The following CELSR1 variants were observed in gnomAD, a reference collection of about 807,000 sequenced individuals.
The protein encoded by CELSR1 is cadherin EGF LAG seven-pass G-type receptor 1, also known as adhesion G protein-coupled receptor C1.
Under a neutral mutation model 249.1 loss-of-function variants are expected in CELSR1, and 110 were observed. That is an observed-to-expected ratio of 0.44 (90% CI 0.38 to 0.52). CELSR1 has a LOEUF of 0.52. Ranked by LOEUF, CELSR1 falls within the 20% of genes least tolerant of loss-of-function variation. The probability of loss-of-function intolerance (pLI) is 0.00; values close to 1 mark genes in which losing one functional copy is unlikely to be tolerated. For synonymous variants in CELSR1, 2,113 were observed against 1,900.0 expected (o/e 1.11, Z -2.92); for missense variants, 4,109 against 4,296.4 (o/e 0.96, Z 1.22).
rs60277006 is a variant in CELSR1 at position 46,468,198 on chromosome 22, C to T, written c.3545-3853G>A. ...GTCAGGAGTTCAAGACCAGCCTGGG[C>T]GACCTGGTGAAACCATGTCTCTACT... On this transcript the variant is annotated intron_variant, in intron 1 of 34. Coordinates refer to ENST00000674500, the MANE Select transcript of CELSR1 (RefSeq NM_001378328.1). This position sits in a 1 kb window ranked among gnomAD's most constrained non-coding sequence, Gnocchi z 4.5. 0.14 allele frequency among the ~76,000 whole-genome samples: 21,844 copies of T among 151,804 alleles called. 1,659 individuals carry two copies. Among genetic ancestry groups the T allele is most frequent in the East Asian group, 0.23 (1,164 of 5,132 alleles).
rs575669820 is a variant in CELSR1 at position 46,524,323 on chromosome 22, G to A, written c.3544+9304C>T. Among the ~76,000 whole-genome samples the A allele has an allele frequency of 6.6e-5, 10 of 152,336 alleles. No homozygotes were observed. In the South Asian group the frequency reaches 1.0e-3, roughly 16 times the overall value. On this transcript the variant is annotated intron_variant, in intron 1 of 34. Transcript: ENST00000674500. Reference sequence around the variant, plus strand: ...TCTCAATCACCCCTGCTCTGGGCCAGCCTCCTTGCTACATGATTCCCCTCT... The same window carrying A: ...TCTCAATCACCCCTGCTCTGGGCCAACCTCCTTGCTACATGATTCCCCTCT...
At position 46,411,579 on chromosome 22, in the gene CELSR1, G is replaced by A. The variant is rs777766272; in HGVS notation, c.4769+23C>T. 1.2e-5 allele frequency: 19 copies of A among 1,613,414 alleles called. No individual in the cohort carries two copies. The highest frequency in any genetic ancestry group is 5.0e-5 in the Admixed American group (3 of 59,980). On this transcript the variant is annotated intron_variant, in intron 6 of 34. Transcript: ENST00000674500. The surrounding 1 kb of genome is among the most constrained non-coding windows in gnomAD (Gnocchi z 4.2). ...ATGTTTGGGGGTACGGACCCCCAGG[G>A]CCTCCCCTCCTGGGATGCTCACTTC...
intron 1 of CELSR1, among the ~76,000 whole-genome samples, chr22:46,489,636 T>C (rs919655911): frequency 2.0e-5 from 3 of 152,010 alleles, no homozygotes; most frequent in Non-Finnish European, 1.5e-5. Flanking sequence ...TCTTTGGCCG[T>C]GCACGGTGGC....
At chr22:46,532,974 C>T (rs955014932) in intron 1 of CELSR1, among the ~76,000 whole-genome samples, 16 of 152,208 alleles carry the variant, frequency 1.1e-4, no homozygotes, top group Non-Finnish European at 1.8e-4. Context: ...GGCTCCACCA[C>T]TAACTGGGCA....
chr22:46,505,495 C>T (rs1345774743), intron 1 of CELSR1, among the ~76,000 whole-genome samples: 3 of 151,892 alleles, frequency 2.0e-5, no homozygotes, highest in East Asian at 3.9e-4. Context: ...TGAGTATGCA[C>T]CTGTAGTCCC....
At chr22:46,450,988 C>T (rs1284917573) in intron 2 of CELSR1, among the ~76,000 whole-genome samples, 1 of 152,184 alleles carries the variant, frequency 6.6e-6, no homozygotes, top group African/African-American at 2.4e-5. Flanking sequence ...CCCTGTTCCT[C>T]CTGTTCCTCA....
chr22:46,455,681 C>T lies in CELSR1; in HGVS notation c.4183+8026G>A, dbSNP rs982598125. Among the ~76,000 whole-genome samples, 41 of 152,280 alleles carry T rather than the reference C, an allele frequency of 2.7e-4. No homozygotes were observed. The South Asian group carries it at 4.6e-3, about 17-fold the overall frequency. The stretch of plus-strand genomic sequence containing the variant: ...GCAGCCCCAGGAAGCTCACGGAAGC[C>T]GGAGGAGGACTGCAGGGTGTGAGGA... On this transcript the variant is annotated intron_variant, in intron 2 of 34. Coordinates refer to ENST00000674500, the MANE Select transcript of CELSR1 (RefSeq NM_001378328.1).
Position 46,410,850 on chromosome 22 carries a change from G to A in CELSR1, c.4770-289C>T, listed in dbSNP as rs761186339. On this transcript the variant is annotated intron_variant, in intron 6 of 34. Coordinates refer to ENST00000674500, the MANE Select transcript of CELSR1 (RefSeq NM_001378328.1). This position sits in a 1 kb window ranked among gnomAD's most constrained non-coding sequence, Gnocchi z 6.8. ...GTCCACACCGAGACAGGATGTGAGC[G>A]CAGGGAGCACAGGTCAAGGCCAGCA... 2.6e-5 allele frequency among the ~76,000 whole-genome samples: 4 copies of A among 151,964 alleles called. No homozygotes were observed. Among genetic ancestry groups the A allele is most frequent in the East Asian group, 1.9e-4 (1 of 5,158 alleles).
At chr22:46,463,464 G>A (rs1041752845) in intron 2 of CELSR1, among the ~76,000 whole-genome samples, 1 of 151,216 alleles carries the variant, frequency 6.6e-6, no homozygotes, top group East Asian at 1.9e-4. Context: ...TGTAGTGAGC[G>A]AAGATTACGC....
chr22:46,524,541 C>CGTGTGTGT lies in CELSR1; in HGVS notation c.3544+9078_3544+9085dup, dbSNP rs71192413. Among the ~76,000 whole-genome samples the CGTGTGTGT allele has an allele frequency of 4.2e-4, 33 of 77,876 alleles. 1 individual carries two copies. Among genetic ancestry groups the CGTGTGTGT allele is most frequent in the African/African-American group, 2.0e-3 (32 of 16,228 alleles). The allele number at this position is 77,876 out of a possible 152,430, so 51.1% of individuals were successfully genotyped here. On this transcript the variant is annotated intron_variant, in intron 1 of 34. Transcript: ENST00000674500. ...AAACGGCCCCCACCCCCGTTGTGTG[C>CGTGTGTGT]GTGTGTGTGTGTGTGTGTGTGTGTG...
At chr22:46,414,117 C>T (rs894961506) in intron 5 of CELSR1, among the ~76,000 whole-genome samples, 1 of 152,166 alleles carries the variant, frequency 6.6e-6, no homozygotes, top group African/African-American at 2.4e-5. Flanking sequence ...GCTTGTTTTT[C>T]GAGTGGCACT....
chr22:46,509,976 T>C (rs975840816), intron 1 of CELSR1, among the ~76,000 whole-genome samples: 1 of 152,180 alleles, frequency 6.6e-6, no homozygotes, highest in Non-Finnish European at 1.5e-5. Context: ...GGGGACTTCA[T>C]GCCACATCTG....
chr22:46,389,508 G>C lies in CELSR1; in HGVS notation c.6346-9C>G. On this transcript the variant is annotated splice_polypyrimidine_tract_variant and intron_variant, in intron 17 of 34. Coordinates refer to ENST00000674500, the MANE Select transcript of CELSR1 (RefSeq NM_001378328.1). ...CGGCTCAGCTTCTCATTCTGGAACA[G>C]GGAGGCAGTCGTGATGTGTGCAAAC... The C allele has an allele frequency of 2.5e-6, 4 of 1,612,942 alleles. No individual in the cohort carries two copies. Among genetic ancestry groups the C allele is most frequent in the Non-Finnish European group, 3.4e-6 (4 of 1,179,994 alleles).
chr22:46,491,322 G>A (rs1312215630), intron 1 of CELSR1, among the ~76,000 whole-genome samples: 6 of 147,582 alleles, frequency 4.1e-5, no homozygotes. Context: ...GGAATGCAGT[G>A]GTGCAATCTC....
intron 27 of CELSR1, 115 bp downstream of exon 27, chr22:46,369,064 A>C: frequency 1.1e-6 from 1 of 881,770 alleles, no homozygotes; most frequent in East Asian, 2.7e-5. Context: ...GGCTGCCCCC[A>C]GCCCTCCTCC....
intron 1 of CELSR1, among the ~76,000 whole-genome samples, chr22:46,515,621 G>A (rs935924804): frequency 6.6e-6 from 1 of 152,196 alleles, no homozygotes; most frequent in African/African-American, 2.4e-5. Flanking sequence ...CAGTCACACA[G>A]TGCTCAGGGC....
rs138315924 is a variant in CELSR1, at chr22:46,436,568, C to G, written c.4407-279G>C. Among the ~76,000 whole-genome samples, 1 of 152,128 alleles carries G rather than the reference C, an allele frequency of 6.6e-6. No homozygotes were observed. Among genetic ancestry groups the G allele is most frequent in the African/African-American group, 2.4e-5 (1 of 41,426 alleles). ...CCATTTGCACAACATGCTACAAGTA[C>G]GACCAGCGGCCAGGACACCTGTTAC... On this transcript the variant is annotated intron_variant, in intron 3 of 34. Transcript: ENST00000674500. This position sits in a 1 kb window ranked among gnomAD's most constrained non-coding sequence, Gnocchi z 5.9.
intron 1 of CELSR1, among the ~76,000 whole-genome samples, chr22:46,465,788 C>G (rs1420119718): frequency 1.3e-5 from 2 of 152,246 alleles, no homozygotes; most frequent in Non-Finnish European, 2.9e-5. Flanking sequence ...GAGATTCTAA[C>G]AGAACCAGCA....
Position 46,397,741 on chromosome 22 carries a change from C to T in CELSR1, c.5634G>A (p.Ser1878=), listed in dbSNP as rs1003824139. The T allele has an allele frequency of 6.9e-6, 11 of 1,592,056 alleles. No individual in the cohort carries two copies. Among genetic ancestry groups the T allele is most frequent in the South Asian group, 1.1e-5 (1 of 87,478 alleles). ...AGCGGCTATTGGGGGGACAGGGGCTCGAGGTACAGGGGTCGTCCACATCAC... is the reference window on the plus strand; with the variant it reads ...AGCGGCTATTGGGGGGACAGGGGCTTGAGGTACAGGGGTCGTCCACATCAC... ...DGCDVDDPCT[S]SPCPPNSRCH... Residue 1878 remains serine, a synonymous_variant, in exon 12 of 35, where the codon TCG becomes TCA. Transcript: ENST00000674500.
Sources: gnomAD v4.1 joint callset for allele counts (sites outside exome capture counted in the v4.1 genomes callset) on GRCh38, gnomAD v4.1.1 for gene constraint, Gnocchi (gnomAD v3.1) non-coding constraint, MANE v1.5 for transcripts, NCBI Gene and HGNC (gene_info 2026-07-23, HGNC 2026-07-21) for gene names.